TAPBPL: variants seen among roughly 807,000 people sequenced by gnomAD.
The protein encoded by TAPBPL is TAP binding protein like.
A neutral mutation model predicts 44.8 loss-of-function variants in TAPBPL; 32 were observed. The observed-to-expected ratio is 0.71, with a 90% CI of 0.54 to 0.96. The LOEUF is 0.96. Ranked by LOEUF, TAPBPL falls within the 40% of genes least tolerant of loss-of-function variation. TAPBPL has a pLI of 0.00. For missense variants in TAPBPL, 520 were observed against 586.6 expected, an observed-to-expected ratio of 0.89 and a Z score of 1.17; for synonymous variants, 230 against 240.7, an observed-to-expected ratio of 0.96 and a Z score of 0.41.
Position 6,458,847 on chromosome 12 carries a change from C to T in TAPBPL, c.1107C>T (p.Leu369=). The change falls in exon 5 of 7, where the codon CTC becomes CTT. Residue 369 remains leucine (L), a synonymous_variant. Coordinates refer to ENST00000266556, the MANE Select transcript of TAPBPL (RefSeq NM_018009.5). The part of the protein sequence containing the change: ...VAGTYSISSS[L]TAEPGSAGAT... Reference sequence around the variant, plus strand: ...GCACCTACAGCATCTCCTCCTCTCTCACCGCAGAACCTGGCTCTGCAGGTG... The same window carrying T: ...GCACCTACAGCATCTCCTCCTCTCTTACCGCAGAACCTGGCTCTGCAGGTG... The T allele has an allele frequency of 6.2e-7, 1 of 1,614,196 alleles. No homozygotes were observed. Among genetic ancestry groups the T allele is most frequent in the Non-Finnish European group, 8.5e-7 (1 of 1,180,046 alleles).
At chr12:6,457,788 G>A in intron 4 of TAPBPL, 44 bp downstream of exon 4, 2 of 1,495,514 alleles carry the variant, frequency 1.3e-6, no homozygotes, top group South Asian at 2.7e-5. Context: ...GATATAACAT[G>A]TCTACTGGGA....
chr12:6,457,321 T>C (rs1949726192), intron 3 of TAPBPL, 85 bp from the exon 4 acceptor site: 3 of 1,346,914 alleles, frequency 2.2e-6, no homozygotes, highest in South Asian at 1.3e-5. Flanking sequence ...GGCAGGTGTA[T>C]GCCCACAACA....
chr12:6,469,689 G>A (rs898671830), downstream of TAPBPL, among the ~76,000 whole-genome samples: 2 of 152,184 alleles, frequency 1.3e-5, no homozygotes, highest in Non-Finnish European at 2.9e-5. Flanking sequence ...GTAGTAATCA[G>A]AAAGAAAAAT....
At chr12:6,461,215 G>C in intron 6 of TAPBPL, 3 of 1,270,240 alleles carry the variant, frequency 2.4e-6, no homozygotes, top group Non-Finnish European at 3.0e-6. Context: ...AAGTCACAGA[G>C]CTAAAAATAC....
downstream of TAPBPL, chr12:6,465,420 A>ATATG (rs1361907139): frequency 8.3e-6 from 1 of 120,588 alleles, no homozygotes; most frequent in Non-Finnish European, 1.6e-5. Context: ...ATATGTATAT[A>ATATG]TATATATAAA....
chr12:6,453,556 T>C lies in TAPBPL; in HGVS notation c.405T>C (p.Thr135=). The change falls in exon 3 of 7, where the codon ACT becomes ACC. Residue 135 remains threonine, a synonymous_variant. Coordinates refer to ENST00000266556, the MANE Select transcript of TAPBPL (RefSeq NM_018009.5). This position sits in a 1 kb window ranked among gnomAD's most constrained non-coding sequence, Gnocchi z 4.8. ...SRYFLQMTET[T]VKTAAWFMAN... ...ACTTTCTCCAGATGACAGAGACCAC[T>C]GTTAAGACAGCAGCTTGGTTCATGG... 6.2e-7 allele frequency: 1 copy of C among 1,614,204 alleles called. No homozygotes were observed. The highest frequency in any genetic ancestry group is 1.1e-5 in the South Asian group (1 of 91,090).
intron 6 of TAPBPL, chr12:6,461,364 A>G: frequency 9.8e-6 from 10 of 1,019,818 alleles, no homozygotes; most frequent in Non-Finnish European, 1.2e-5. Flanking sequence ...CAGAATGTCC[A>G]GATGGAGGAT....
downstream of TAPBPL, chr12:6,465,372 A>ATAT (rs56993379): frequency 8.9e-5 from 10 of 112,012 alleles, no homozygotes; most frequent in East Asian, 3.3e-4. Flanking sequence ...ATATATATAT[A>ATAT]AATGTATATA....
downstream of TAPBPL, among the ~76,000 whole-genome samples, chr12:6,467,940 G>C (rs964858577): frequency 7.0e-6 from 1 of 143,430 alleles, no homozygotes; most frequent in Non-Finnish European, 1.6e-5. Context: ...ACTGAGGTTC[G>C]GGAACCTCCG....
downstream of TAPBPL, chr12:6,470,625 C>A (rs1945750785): frequency 3.2e-6 from 5 of 1,540,054 alleles, no homozygotes; most frequent in African/African-American, 4.1e-5. Flanking sequence ...ACGGAACTGC[C>A]AAGCTCCGCC....
chr12:6,455,371 C>T (rs1455185141), intron 3 of TAPBPL, among the ~76,000 whole-genome samples: 2 of 152,180 alleles, frequency 1.3e-5, no homozygotes, highest in East Asian at 1.9e-4. Flanking sequence ...ATGTCAGAAA[C>T]AAACCAAAGT....
At chr12:6,470,612 T>C (rs1205605466), downstream of TAPBPL, 11 of 1,580,866 alleles carry the variant, frequency 7.0e-6, no homozygotes, top group Middle Eastern at 1.7e-4. Context: ...GCGGCTGAAG[T>C]GGACGGAACT....
chr12:6,457,008 G>A (rs1477885803), intron 3 of TAPBPL, among the ~76,000 whole-genome samples: 1 of 152,208 alleles, frequency 6.6e-6, no homozygotes, highest in Non-Finnish European at 1.5e-5. Context: ...TGCTTAAGCA[G>A]GTGAGCTTGG....
chr12:6,466,329 C>G (rs770309873), downstream of TAPBPL: 1 of 1,613,872 alleles, frequency 6.2e-7, no homozygotes, highest in Non-Finnish European at 8.5e-7. Context: ...GTCCCTTCAG[C>G]AGGTGGCTGA....
chr12:6,453,651 A>G lies in TAPBPL; in HGVS notation c.500A>G (p.Asn167Ser). The G allele has an allele frequency of 6.2e-7, 1 of 1,613,856 alleles. No individual in the cohort carries two copies. Among genetic ancestry groups the G allele is most frequent in the South Asian group, 1.1e-5 (1 of 91,062 alleles). Residue 167 changes from asparagine to serine, a missense_variant, in exon 3 of 7, where the codon AAT (asparagine) becomes AGT (serine). Transcript: ENST00000266556. This position sits in a 1 kb window ranked among gnomAD's most constrained non-coding sequence, Gnocchi z 4.8. ...LVMKTPRVTK[N>S]EALWHPTLNL... The stretch of plus-strand genomic sequence containing the variant: ...ATGAAGACTCCCAGGGTCACCAAGA[A>G]TGAGGCGCTCTGGCACCCGACGCTG...
Position 6,457,387 on chromosome 12 carries a change from CCT to C in TAPBPL, c.566-16_566-15del, listed in dbSNP as rs1479059918. 1 of 1,600,110 alleles carries C rather than the reference CCT, an allele frequency of 6.2e-7. No homozygotes were observed. Among genetic ancestry groups the C allele is most frequent in the Non-Finnish European group, 8.5e-7 (1 of 1,170,180 alleles). On this transcript the variant is annotated splice_polypyrimidine_tract_variant and intron_variant, in intron 3 of 6. Transcript: ENST00000266556. ...AGGAGGAAGTAGCCCACAAATCACC[CCT>C]CTTTTCCTCTTCACAGTGGAGTTCC...
chr12:6,468,028 A>T (rs1322862068), downstream of TAPBPL, among the ~76,000 whole-genome samples: 2 of 152,212 alleles, frequency 1.3e-5, no homozygotes, highest in Non-Finnish European at 2.9e-5. Flanking sequence ...CCTCATGGAG[A>T]ACCTCTGCTA....
intron 5 of TAPBPL, among the ~76,000 whole-genome samples, chr12:6,459,724 TTTTA>T (rs143107897): frequency 0.34 from 49,287 of 145,934 alleles, 9,030 homozygotes; most frequent in South Asian, 0.44. Flanking sequence ...TGTTGAAAGG[TTTTA>T]TTTATTTATT....
intron 4 of TAPBPL, 145 bp downstream of exon 4, chr12:6,457,889 C>T (rs1949742345): frequency 1.0e-5 from 9 of 901,368 alleles, no homozygotes; most frequent in Non-Finnish European, 1.3e-5. Context: ...ACCATGGAAG[C>T]ACAGATGGCA....
Sources: gnomAD v4.1 joint callset for allele counts (sites outside exome capture counted in the v4.1 genomes callset) on GRCh38, gnomAD v4.1.1 for gene constraint, Gnocchi (gnomAD v3.1) non-coding constraint, MANE v1.5 for transcripts, NCBI Gene and HGNC (gene_info 2026-07-23, HGNC 2026-07-21) for gene names.